TSGA10: variants seen among roughly 807,000 people sequenced by gnomAD.
TSGA10 encodes testis-specific gene 10 protein.
Under a neutral mutation model 96.6 loss-of-function variants are expected in TSGA10, and 43 were observed. The observed-to-expected ratio is 0.44, with a 90% confidence interval of 0.35 to 0.57. TSGA10 has a LOEUF of 0.57. Ranked by LOEUF, TSGA10 falls within the 20% of genes least tolerant of loss-of-function variation. TSGA10 has a pLI of 0.01. For synonymous variants in TSGA10, 229 were observed against 269.9 expected, an observed-to-expected ratio of 0.85 and a Z score of 1.48; for missense variants, 703 against 834.4, an observed-to-expected ratio of 0.84 and a Z score of 1.94.
chr2:99,095,315 T>C (rs2089914387), intron 10 of TSGA10, among the ~76,000 whole-genome samples: 1 of 152,134 alleles, frequency 6.6e-6, no homozygotes, highest in Non-Finnish European at 1.5e-5. Flanking sequence ...GCTCGGGCTA[T>C]GGGTGCACCA....
At chr2:99,138,817 C>T (rs922141365) in intron 1 of TSGA10, among the ~76,000 whole-genome samples, 8 of 152,134 alleles carry the variant, frequency 5.3e-5, no homozygotes, top group Admixed American at 5.2e-4. Flanking sequence ...CTATAAGGTC[C>T]TTGGACTCCA....
At chr2:99,102,847 G>A in intron 10 of TSGA10, 1 of 949,724 alleles carries the variant, frequency 1.1e-6, no homozygotes, top group Non-Finnish European at 1.7e-6. Context: ...TTGGCCAATA[G>A]TTTTCAGACT....
At chr2:98,998,403 C>G (rs1394255677) in intron 20 of TSGA10, among the ~76,000 whole-genome samples, 182 bp from the exon 21 acceptor site, 2 of 152,074 alleles carry the variant, frequency 1.3e-5, no homozygotes, top group African/African-American at 4.8e-5. Context: ...ACATTCATAC[C>G]ATGGAATACT....
intron 1 of TSGA10, among the ~76,000 whole-genome samples, chr2:99,127,801 G>C (rs1433285399): frequency 6.6e-6 from 1 of 152,100 alleles, no homozygotes; most frequent in Non-Finnish European, 1.5e-5. Flanking sequence ...AGAGTAAACT[G>C]ATACAATATT....
intron 1 of TSGA10, among the ~76,000 whole-genome samples, chr2:99,130,932 T>C (rs746164421): frequency 2.0e-5 from 3 of 152,182 alleles, no homozygotes; most frequent in African/African-American, 2.4e-5. Context: ...CAGATGGTTG[T>C]AGATGTGTGG....
Position 99,154,838 on chromosome 2 carries a change from T to A in TSGA10, c.-766A>T, listed in dbSNP as rs1305741209. ...GTTCCCGCCCTGAAGGACCCTTACT[T>A]AGCACTCCTGCGGGCTGCCGGGACC... On this transcript the variant is annotated 5_prime_UTR_variant, in exon 1 of 21. Transcript: ENST00000393483. The A allele has an allele frequency of 1.2e-5, 4 of 344,278 alleles. No individual in the cohort carries two copies. The highest frequency in any genetic ancestry group is 6.3e-5 in the South Asian group (3 of 47,822). 21.3% of individuals were successfully genotyped at this position (344,278 alleles called of 1,614,324 possible).
Position 99,006,717 on chromosome 2 carries a change from C to T in TSGA10, c.2073-8496G>A, listed in dbSNP as rs567415101. ...TGGTGGGACTGTAAACTAGTTCAAC[C>T]ATTGTGGAAGTCAGTGTGGCGATTC... On this transcript the variant is annotated intron_variant, in intron 20 of 20. Coordinates refer to ENST00000393483, the MANE Select transcript of TSGA10 (RefSeq NM_025244.4). 4.5e-4 allele frequency among the ~76,000 whole-genome samples: 68 copies of T among 152,304 alleles called. 2 individuals are homozygous for T. The East Asian group carries it at 0.011, about 24-fold the overall frequency.
At position 99,154,575 on chromosome 2, in the gene TSGA10, T is replaced by C. The variant is rs532247158; in HGVS notation, c.-621+118A>G. On this transcript the variant is annotated intron_variant, in intron 1 of 20. Coordinates refer to ENST00000393483, the MANE Select transcript of TSGA10 (RefSeq NM_025244.4). ...TAATACCTGTATGCTCAATAAAAAG[T>C]ATTTGCTGGTACTCCTTCCTGCCCG... The C allele has an allele frequency of 1.5e-3, 248 of 164,826 alleles. 2 individuals are homozygous for C. Among genetic ancestry groups the C allele is most frequent in the South Asian group, 2.6e-3 (20 of 7,698 alleles). The allele number at this position is 164,826 out of a possible 1,614,324, so 10.2% of individuals were successfully genotyped here. A position where few individuals can be genotyped will look rare whatever the true frequency, so the allele number is the denominator to read the frequency against.
chr2:99,084,649 C>T (rs2088019493), intron 10 of TSGA10, among the ~76,000 whole-genome samples: 1 of 152,048 alleles, frequency 6.6e-6, no homozygotes, highest in African/African-American at 2.4e-5. Flanking sequence ...CAAGAATAGA[C>T]TAATAGAGCC....
At chr2:99,154,280 G>A (rs751574400) in intron 1 of TSGA10, 3 of 152,204 alleles carry the variant, frequency 2.0e-5, no homozygotes, top group Admixed American at 6.5e-5. Context: ...AAACTTAGCC[G>A]AAACTATTAC....
intron 10 of TSGA10, among the ~76,000 whole-genome samples, chr2:99,099,997 C>A (rs528837126): frequency 1.3e-5 from 2 of 151,976 alleles, no homozygotes; most frequent in Non-Finnish European, 1.5e-5. Context: ...CCTCTCTACA[C>A]ACAAAAAATA....
intron 2 of TSGA10, among the ~76,000 whole-genome samples, chr2:99,120,003 T>C (rs1304123896): frequency 2.6e-5 from 4 of 152,182 alleles, no homozygotes; most frequent in African/African-American, 9.6e-5. Flanking sequence ...ATGTTCTTGG[T>C]GCTTCTCCTT....
At chr2:99,090,874 C>T (rs1268802729) in intron 10 of TSGA10, among the ~76,000 whole-genome samples, 11 of 152,168 alleles carry the variant, frequency 7.2e-5, no homozygotes, top group Admixed American at 7.2e-4. Context: ...AAGAAAACTT[C>T]CCTAGCCTTG....
At chr2:99,037,885 A>T (rs1160767920) in intron 16 of TSGA10, among the ~76,000 whole-genome samples, 1 of 152,010 alleles carries the variant, frequency 6.6e-6, no homozygotes, top group Non-Finnish European at 1.5e-5. Context: ...CACAAAAGAA[A>T]GAATCTTAAG....
chr2:99,004,923 A>G (rs1414923197), intron 20 of TSGA10, among the ~76,000 whole-genome samples: 1 of 152,254 alleles, frequency 6.6e-6, no homozygotes, highest in Non-Finnish European at 1.5e-5. Flanking sequence ...ATCCAGCAGC[A>G]CATCAAAAAG....
chr2:99,100,689 G>C (rs1055047085), intron 10 of TSGA10, among the ~76,000 whole-genome samples: 1 of 151,198 alleles, frequency 6.6e-6, no homozygotes, highest in Non-Finnish European at 1.5e-5. Context: ...GCGCGGTGGC[G>C]GGCGCCTGTA....
At chr2:99,006,938 A>G (rs954459646) in intron 20 of TSGA10, among the ~76,000 whole-genome samples, 3 of 152,236 alleles carry the variant, frequency 2.0e-5, no homozygotes, top group Non-Finnish European at 4.4e-5. Flanking sequence ...AACGTGGCAT[A>G]TATACACCAT....
intron 20 of TSGA10, among the ~76,000 whole-genome samples, chr2:99,003,916 C>G (rs1323102629): frequency 6.6e-6 from 1 of 152,074 alleles, no homozygotes; most frequent in African/African-American, 2.4e-5. Flanking sequence ...CAAACACATT[C>G]AAAAGCTAGC....
chr2:99,112,917 G>A (rs868497559), intron 4 of TSGA10, among the ~76,000 whole-genome samples: 6 of 147,748 alleles, frequency 4.1e-5, no homozygotes, highest in African/African-American at 7.4e-5. Context: ...TCCACACAGC[G>A]GGCTCTGAAA....
Sources: allele counts gnomAD v4.1 joint callset (sites outside exome capture counted in the v4.1 genomes callset), GRCh38; gene constraint gnomAD v4.1.1; transcripts MANE v1.5; gene names NCBI Gene and HGNC (gene_info 2026-07-23, HGNC 2026-07-21).